Variants in CTDSPL observed in about 807,000 individuals in gnomAD.
CTDSPL encodes CTD small phosphatase like.
In CTDSPL, 8 loss-of-function variants were observed where a neutral mutation model predicts 30.5. The ratio of observed to expected loss-of-function variants is 0.26; its 90% confidence interval spans 0.15 to 0.47. The LOEUF (loss-of-function observed/expected upper bound fraction) is 0.47, where lower values mean the gene tolerates loss of function less well. CTDSPL is among the 20% of genes least tolerant of loss of function. The pLI is 0.99. For synonymous variants in CTDSPL, 110 were observed against 137.9 expected, an observed-to-expected ratio of 0.80 and a Z score of 1.42; for missense variants, 248 against 366.1, an observed-to-expected ratio of 0.68 and a Z score of 2.63.
At chr3:37,979,288 T>C (rs1395057989) in intron 7 of CTDSPL, among the ~76,000 whole-genome samples, 2 of 148,618 alleles carry the variant, frequency 1.3e-5, no homozygotes, top group Non-Finnish European at 3.0e-5. Context: ...CAAAGCAAGA[T>C]CCTGTCGCTA....
intron 1 of CTDSPL, among the ~76,000 whole-genome samples, chr3:37,918,796 C>T (rs1359030982): frequency 6.6e-6 from 1 of 152,104 alleles, no homozygotes; most frequent in African/African-American, 2.4e-5. Context: ...CTTCACCCAA[C>T]AAACATTCAA....
At chr3:37,956,493 G>A (rs1405323630) in intron 2 of CTDSPL, among the ~76,000 whole-genome samples, 1 of 152,214 alleles carries the variant, frequency 6.6e-6, no homozygotes, top group East Asian at 1.9e-4. Flanking sequence ...TGGGGCTGAG[G>A]AATATTTGAG....
At chr3:37,948,808 C>CTTTTTTTT (rs71635858) in intron 2 of CTDSPL, among the ~76,000 whole-genome samples, 16 of 108,148 alleles carry the variant, frequency 1.5e-4, no homozygotes, top group African/African-American at 3.3e-4. Context: ...TTCCAGCTTT[C>CTTTTTTTT]TTTTTTTTTT....
intron 1 of CTDSPL, among the ~76,000 whole-genome samples, chr3:37,871,756 T>C (rs1698073831): frequency 6.6e-6 from 1 of 152,214 alleles, no homozygotes; most frequent in Non-Finnish European, 1.5e-5. Flanking sequence ...AAATGTTAGA[T>C]CTTTTGTTAT....
At position 37,980,783 on chromosome 3, in the gene CTDSPL, G is replaced by A; in HGVS notation, c.747G>A (p.Glu249=). 1 of 1,614,236 alleles carries A rather than the reference G, an allele frequency of 6.2e-7. No individual in the cohort carries two copies. The highest frequency in any genetic ancestry group is 8.5e-7 in the Non-Finnish European group (1 of 1,180,044). ...GGTTCGATGACATGACGGACACGGA[G>A]CTGCTGGACCTCATCCCCTTCTTTG... ...QSWFDDMTDT[E]LLDLIPFFEG... Residue 249 remains glutamate (E), a synonymous_variant, in exon 8 of 8, where the codon GAG becomes GAA. Coordinates refer to ENST00000273179, the MANE Select transcript of CTDSPL (RefSeq NM_001008392.2).
intron 4 of CTDSPL, among the ~76,000 whole-genome samples, chr3:37,966,702 A>G (rs760056032): frequency 2.0e-5 from 3 of 152,098 alleles, no homozygotes; most frequent in Admixed American, 6.5e-5. Context: ...AGCATTGTCC[A>G]TGTTTTTTTG....
intron 1 of CTDSPL, among the ~76,000 whole-genome samples, chr3:37,927,676 GTGTA>G (rs1426920718): frequency 0.067 from 8,167 of 121,154 alleles, 327 homozygotes; most frequent in Middle Eastern, 0.13. Context: ...GTGTGTGTGT[GTGTA>G]TGTGTATATA....
In CTDSPL at chr3:37,975,398, C is replaced by T. The variant is rs182266172; in HGVS notation, c.520-311C>T. ...CCCCGTGGGAAAGACAGGTTTTTCA[C>T]GAGGCTCACACAGCCATCCCAGGCC... is the stretch of plus-strand genomic sequence containing the variant. On this transcript the variant is annotated intron_variant, in intron 6 of 7. Coordinates refer to ENST00000273179, the MANE Select transcript of CTDSPL (RefSeq NM_001008392.2). This position sits in a 1 kb window ranked among gnomAD's most constrained non-coding sequence, Gnocchi z 4.9. 2.3e-4 allele frequency among the ~76,000 whole-genome samples: 35 copies of T among 152,232 alleles called. No homozygotes were observed. The highest frequency in any genetic ancestry group is 6.7e-4 in the African/African-American group (28 of 41,526).
chr3:37,935,706 G>A (rs906987078), intron 1 of CTDSPL, among the ~76,000 whole-genome samples: 1 of 152,170 alleles, frequency 6.6e-6, no homozygotes, highest in Admixed American at 6.5e-5. Context: ...AGGCTACCAG[G>A]AGTATTATGG....
chr3:37,978,320 G>GGTTGAATA (rs541255297), intron 7 of CTDSPL, among the ~76,000 whole-genome samples: 6 of 152,186 alleles, frequency 3.9e-5, no homozygotes, highest in Admixed American at 2.6e-4. Context: ...CTTTGATATA[G>GGTTGAATA]GTTGAATATT....
intron 1 of CTDSPL, among the ~76,000 whole-genome samples, chr3:37,927,394 C>A (rs1313725870): frequency 1.3e-5 from 2 of 151,984 alleles, no homozygotes; most frequent in Non-Finnish European, 2.9e-5. Context: ...TGGGTCCTAT[C>A]CCCCAGATAA....
At chr3:37,939,814 C>T (rs1373876015) in intron 1 of CTDSPL, among the ~76,000 whole-genome samples, 1 of 150,522 alleles carries the variant, frequency 6.6e-6, no homozygotes. Flanking sequence ...CATTTCTGGG[C>T]TGGGCACGGT....
chr3:37,980,859 A>C lies in CTDSPL; in HGVS notation c.823A>C (p.Asn275His). 1.9e-6 allele frequency: 3 copies of C among 1,613,988 alleles called. No homozygotes were observed. The highest frequency in any genetic ancestry group is 2.5e-6 in the Non-Finnish European group (3 of 1,179,946). Residue 275 changes from asparagine (N) to histidine (H), a missense_variant, in exon 8 of 8, where the codon AAT (asparagine) becomes CAT (histidine). By Grantham distance (68) the Asn-to-His change is moderately conservative. Coordinates refer to ENST00000273179, the MANE Select transcript of CTDSPL (RefSeq NM_001008392.2). ...DVYSMLHRLC[N>H]R ...GTACAGCATGCTGCACAGACTCTGCAATAGGTAGCCCTGGCCTCTGCCTGC... is the reference window on the plus strand; with the variant it reads ...GTACAGCATGCTGCACAGACTCTGCCATAGGTAGCCCTGGCCTCTGCCTGC...
chr3:37,970,115 G>A (rs1488200752), intron 5 of CTDSPL, among the ~76,000 whole-genome samples: 1 of 152,164 alleles, frequency 6.6e-6, no homozygotes, highest in Non-Finnish European at 1.5e-5. Flanking sequence ...TGGGCACACA[G>A]CCTGGCTACT....
chr3:37,908,944 A>G (rs756876739), intron 1 of CTDSPL, among the ~76,000 whole-genome samples: 1 of 152,210 alleles, frequency 6.6e-6, no homozygotes, highest in Non-Finnish European at 1.5e-5. Context: ...TCTTTTCCGT[A>G]TATATGTAGC....
In CTDSPL at chr3:37,981,789, C is replaced by T; in HGVS notation, c.*922C>T. On this transcript the variant is annotated 3_prime_UTR_variant, in exon 8 of 8. Coordinates refer to ENST00000273179, the MANE Select transcript of CTDSPL (RefSeq NM_001008392.2). Reference sequence around the variant, plus strand: ...TAAAACCCTTGGATATAAAAGAAATCTGTTTATTGATTTTTAAATCTTTCC... The same window carrying T: ...TAAAACCCTTGGATATAAAAGAAATTTGTTTATTGATTTTTAAATCTTTCC... The T allele has an allele frequency of 2.2e-6, 1 of 456,394 alleles. No homozygotes were observed. Among genetic ancestry groups the T allele is most frequent in the South Asian group, 1.5e-5 (1 of 64,536 alleles). The allele number at this position is 456,394 out of a possible 1,614,324, so 28.3% of individuals were successfully genotyped here.
chr3:37,948,514 G>T (rs997291342), intron 2 of CTDSPL, among the ~76,000 whole-genome samples: 4 of 152,112 alleles, frequency 2.6e-5, no homozygotes, highest in Non-Finnish European at 2.9e-5. Context: ...ACACAAACAG[G>T]TAATTCACAA....
intron 1 of CTDSPL, among the ~76,000 whole-genome samples, chr3:37,922,994 C>T (rs1051768111): frequency 1.3e-5 from 2 of 152,210 alleles, no homozygotes; most frequent in Admixed American, 1.3e-4. Flanking sequence ...CCTGTGTTAC[C>T]TTATCTTGTG....
At chr3:37,882,929 G>A (rs746480903) in intron 1 of CTDSPL, among the ~76,000 whole-genome samples, 5 of 152,258 alleles carry the variant, frequency 3.3e-5, no homozygotes, top group African/African-American at 9.6e-5. Context: ...AGTGTTCTAC[G>A]TGCTTGGTTT....
Sources: allele counts gnomAD v4.1 joint callset (sites outside exome capture counted in the v4.1 genomes callset), GRCh38; gene constraint gnomAD v4.1.1; non-coding constraint Gnocchi (gnomAD v3.1); transcripts MANE v1.5; gene names NCBI Gene and HGNC (gene_info 2026-07-23, HGNC 2026-07-21).